The following MGAT5 variants were observed in gnomAD, a reference collection of about 807,000 sequenced individuals.
MGAT5 encodes alpha-1,6-mannosylglycoprotein 6-beta-N-acetylglucosaminyltransferase.
MGAT5 carries 30 observed loss-of-function variants against 94.3 expected under a neutral mutation model. The ratio of observed to expected loss-of-function variants is 0.32; its 90% CI spans 0.24 to 0.43. The LOEUF (loss-of-function observed/expected upper bound fraction) is 0.43, where lower values mean the gene tolerates loss of function less well. Ranked by LOEUF, MGAT5 falls within the 20% of genes least tolerant of loss-of-function variation. The pLI, the probability that MGAT5 is intolerant of heterozygous loss-of-function variation, is 1.00. For synonymous variants in MGAT5, 310 were observed against 322.9 expected (o/e 0.96, Z 0.43); for missense variants, 691 against 905.5 (o/e 0.76, Z 3.04).
chr2:134,397,503 A>G (rs1013223720), intron 10 of MGAT5, among the ~76,000 whole-genome samples: 6 of 152,086 alleles, frequency 3.9e-5, no homozygotes, highest in African/African-American at 1.2e-4. Flanking sequence ...GGAGGAGAGA[A>G]AGGAGGTGGG....
intron 2 of MGAT5, among the ~76,000 whole-genome samples, chr2:134,284,438 T>C (rs11685312): frequency 0.096 from 14,585 of 152,256 alleles, 835 homozygotes; most frequent in South Asian, 0.25. Flanking sequence ...GCCCACAAAA[T>C]TGAAAATATT....
At chr2:134,370,002 G>A (rs1422802523) in intron 10 of MGAT5, among the ~76,000 whole-genome samples, 1 of 152,114 alleles carries the variant, frequency 6.6e-6, no homozygotes, top group Non-Finnish European at 1.5e-5. Context: ...ATTTAACTGG[G>A]GAAAAGGGTG....
At chr2:134,341,853 C>G in intron 7 of MGAT5, 94 bp downstream of exon 7, 2 of 1,111,350 alleles carry the variant, frequency 1.8e-6, no homozygotes, top group Non-Finnish European at 2.5e-6. Flanking sequence ...AATTTTTTGT[C>G]GAGGAAAATG....
intron 1 of MGAT5, among the ~76,000 whole-genome samples, chr2:134,259,285 G>A (rs1209030281): frequency 7.9e-5 from 12 of 152,186 alleles, no homozygotes; most frequent in Admixed American, 3.3e-4. Context: ...TGCCAGTGAC[G>A]TCTCGGGAAT....
chr2:134,206,301 T>C (rs1367341480), intron 1 of MGAT5, among the ~76,000 whole-genome samples: 1 of 152,186 alleles, frequency 6.6e-6, no homozygotes, highest in African/African-American at 2.4e-5. Flanking sequence ...CTGTCAAGTA[T>C]GCTAATGGGA....
At chr2:134,361,898 G>A (rs1008407002) in intron 9 of MGAT5, among the ~76,000 whole-genome samples, 1 of 152,184 alleles carries the variant, frequency 6.6e-6, no homozygotes. Context: ...AGTCAGCCCT[G>A]CCCCCTACAG....
At chr2:134,315,610 T>G (rs1457043713) in intron 2 of MGAT5, among the ~76,000 whole-genome samples, 1 of 152,216 alleles carries the variant, frequency 6.6e-6, no homozygotes, top group African/African-American at 2.4e-5. Flanking sequence ...GTAAAAGTTG[T>G]GTGGAATTAC....
chr2:134,242,717 G>A (rs1682036290), intron 1 of MGAT5, among the ~76,000 whole-genome samples: 1 of 152,222 alleles, frequency 6.6e-6, no homozygotes, highest in Non-Finnish European at 1.5e-5. Flanking sequence ...GAGAGTTCGA[G>A]TAGCAATGTT....
intron 14 of MGAT5, among the ~76,000 whole-genome samples, chr2:134,434,948 T>A (rs1685087700): frequency 6.6e-6 from 1 of 152,180 alleles, no homozygotes; most frequent in Non-Finnish European, 1.5e-5. Context: ...ATTAGTAAAG[T>A]ACTGAATGAA....
At chr2:134,169,973 T>A (rs1377906088) in intron 1 of MGAT5, among the ~76,000 whole-genome samples, 2 of 152,198 alleles carry the variant, frequency 1.3e-5, no homozygotes, top group Non-Finnish European at 2.9e-5. Context: ...TTTTTGAATC[T>A]TACAGTTTCA....
rs112585231 is a variant in MGAT5 at position 134,331,133 on chromosome 2, A to T, written c.574-5084A>T. On this transcript the variant is annotated intron_variant, in intron 4 of 15. Transcript: ENST00000281923. ...GTCTGACCAGATTAGACTTCTAGGGACTCAGAGAATGCTTTGATTCACAAT... is the reference window on the plus strand; with the variant it reads ...GTCTGACCAGATTAGACTTCTAGGGTCTCAGAGAATGCTTTGATTCACAAT... 5.7e-3 allele frequency among the ~76,000 whole-genome samples: 862 copies of T among 152,158 alleles called. 12 individuals carry two copies. Among genetic ancestry groups the T allele is most frequent in the African/African-American group, 0.019 (807 of 41,524 alleles).
At chr2:134,130,652 A>G (rs562774836) in intron 1 of MGAT5, among the ~76,000 whole-genome samples, 8 of 143,746 alleles carry the variant, frequency 5.6e-5, no homozygotes, top group Non-Finnish European at 9.6e-5. Flanking sequence ...AAATGCACCA[A>G]TCAGCACTCT....
At position 134,131,605 on chromosome 2, in the gene MGAT5, A is replaced by G. The variant is rs543131729; in HGVS notation, c.-143+11314A>G. Among the ~76,000 whole-genome samples the G allele has an allele frequency of 2.6e-3, 188 of 71,128 alleles. 1 individual carries two copies. Among genetic ancestry groups the G allele is most frequent in the African/African-American group, 9.1e-3 (184 of 20,168 alleles). The allele number at this position is 71,128 out of a possible 152,430, so 46.7% of individuals were successfully genotyped here. On this transcript the variant is annotated intron_variant, in intron 1 of 16. Transcript: ENST00000409645. ...TTTTTTTTTTTTTTTTTTTTTTACT[A>G]TTGGCCTCTGTTAATGGCCTCCCTG...
chr2:134,132,906 A>G lies in MGAT5; in HGVS notation c.-143+12615A>G, dbSNP rs1053711007. On this transcript the variant is annotated intron_variant, in intron 1 of 16. Transcript: ENST00000409645. The stretch of plus-strand genomic sequence containing the variant: ...ATCTAACATTACACCCGATTGGCTT[A>G]TATAGGAAACTTTTCAAGCATTTCT... Among the ~76,000 whole-genome samples the G allele has an allele frequency of 5.3e-5, 8 of 152,242 alleles. No individual in the cohort carries two copies. The East Asian group carries it at 5.8e-4, about 11-fold the overall frequency.
chr2:134,280,461 C>A (rs1035224748), intron 2 of MGAT5, among the ~76,000 whole-genome samples: 2 of 152,234 alleles, frequency 1.3e-5, no homozygotes, highest in African/African-American at 2.4e-5. Flanking sequence ...TTATAAACTG[C>A]ATTTTGATTT....
chr2:134,236,600 TC>T (rs1681650741), intron 1 of MGAT5, among the ~76,000 whole-genome samples: 1 of 152,182 alleles, frequency 6.6e-6, no homozygotes, highest in African/African-American at 2.4e-5. Context: ...CATGTTTGCT[TC>T]CCCTTCCCTG....
At chr2:134,364,632 A>G (rs535198087) in intron 10 of MGAT5, among the ~76,000 whole-genome samples, 1 of 152,368 alleles carries the variant, frequency 6.6e-6, no homozygotes, top group African/African-American at 2.4e-5. Context: ...TGTGCTGTGC[A>G]GCACCTAAAG....
At chr2:134,419,341 A>G (rs1684151206) in intron 12 of MGAT5, among the ~76,000 whole-genome samples, 2 of 152,128 alleles carry the variant, frequency 1.3e-5, no homozygotes, top group Non-Finnish European at 2.9e-5. Flanking sequence ...ATGTTTTAAT[A>G]TAAACTGGAT....
chr2:134,123,946 A>C (rs562082697), intron 1 of MGAT5, among the ~76,000 whole-genome samples: 1 of 152,164 alleles, frequency 6.6e-6, no homozygotes, highest in Non-Finnish European at 1.5e-5. Context: ...TACACTTTCA[A>C]ATTTCTCTTT....
Sources: gnomAD v4.1 joint callset for allele counts (sites outside exome capture counted in the v4.1 genomes callset) on GRCh38, gnomAD v4.1.1 for gene constraint, MANE v1.5 for transcripts, NCBI Gene and HGNC (gene_info 2026-07-23, HGNC 2026-07-21) for gene names.